ZNF385D: variants seen among roughly 807,000 people sequenced by gnomAD.
The protein encoded by ZNF385D is zinc finger protein 385D.
In ZNF385D, 15 loss-of-function variants were observed where a neutral mutation model predicts 35.8. That is an observed-to-expected ratio of 0.42 (90% CI 0.28 to 0.64). ZNF385D has a LOEUF of 0.64. Ranked by LOEUF, ZNF385D falls within the 30% of genes least tolerant of loss-of-function variation. The probability of loss-of-function intolerance (pLI) is 0.23; values close to 1 mark genes in which losing one functional copy is unlikely to be tolerated. For synonymous variants in ZNF385D, 212 were observed against 186.8 expected (o/e 1.13, Z -1.10); for missense variants, 474 against 494.6 (o/e 0.96, Z 0.39).
intron 4 of ZNF385D, among the ~76,000 whole-genome samples, chr3:21,471,293 TCTCACACA>T (rs758338057): frequency 0.1 from 3,042 of 29,906 alleles, 70 homozygotes; most frequent in African/African-American, 0.17. Flanking sequence ...TCTCTCTCTC[TCTCACACA>T]CACACACACA....
chr3:21,610,706 C>T (rs1190026630), intron 2 of ZNF385D, among the ~76,000 whole-genome samples: 1 of 151,054 alleles, frequency 6.6e-6, no homozygotes, highest in South Asian at 2.1e-4. Flanking sequence ...ACCCAGGAGG[C>T]GGGGCTTGCA....
chr3:22,353,713 A>G (rs1696020587), intron 2 of ZNF385D, among the ~76,000 whole-genome samples: 2 of 152,154 alleles, frequency 1.3e-5, no homozygotes, highest in South Asian at 4.1e-4. Flanking sequence ...CAGTCCTTCT[A>G]CAGTCCTGTT....
chr3:21,813,112 A>G (rs1042854235), intron 3 of ZNF385D, among the ~76,000 whole-genome samples: 18 of 152,226 alleles, frequency 1.2e-4, no homozygotes, highest in Non-Finnish European at 2.4e-4. Context: ...GCATACTCCA[A>G]CAGACCTGCA....
intron 2 of ZNF385D, among the ~76,000 whole-genome samples, chr3:22,194,078 T>C (rs577525194): frequency 1.3e-5 from 2 of 152,090 alleles, no homozygotes; most frequent in African/African-American, 4.8e-5. Flanking sequence ...ATGCAACTTA[T>C]ACTACCGAAC....
At chr3:21,742,162 T>C (rs2069546335) in intron 1 of ZNF385D, among the ~76,000 whole-genome samples, 1 of 152,230 alleles carries the variant, frequency 6.6e-6, no homozygotes, top group African/African-American at 2.4e-5. Flanking sequence ...TGTATTCAAA[T>C]TTCATTACAC....
intron 3 of ZNF385D, among the ~76,000 whole-genome samples, chr3:21,803,643 C>A (rs999799406): frequency 3.3e-5 from 5 of 151,852 alleles, no homozygotes; most frequent in Non-Finnish European, 7.4e-5. Flanking sequence ...ATATATCATC[C>A]CTGTCATAAT....
chr3:21,465,410 G>A lies in ZNF385D; in HGVS notation c.440-28207C>T, dbSNP rs187972319. 3.3e-5 allele frequency among the ~76,000 whole-genome samples: 5 copies of A among 152,258 alleles called. No individual in the cohort carries two copies. Among genetic ancestry groups the A allele is most frequent in the Admixed American group, 2.6e-4 (4 of 15,290 alleles). Reference sequence around the variant, plus strand: ...TACTTTCTCTTTTCAAGATCAGTTGGAAGAGAAAGTTTCTTCTGCTCTTCC... The same window carrying A: ...TACTTTCTCTTTTCAAGATCAGTTGAAAGAGAAAGTTTCTTCTGCTCTTCC... On this transcript the variant is annotated intron_variant, in intron 4 of 7. Coordinates refer to ENST00000281523, the MANE Select transcript of ZNF385D (RefSeq NM_024697.3). The surrounding 1 kb of genome is among the most constrained non-coding windows in gnomAD (Gnocchi z 4.2).
At chr3:21,843,224 G>A (rs990394537) in intron 3 of ZNF385D, among the ~76,000 whole-genome samples, 2 of 151,920 alleles carry the variant, frequency 1.3e-5, no homozygotes, top group Non-Finnish European at 2.9e-5. Context: ...TGAACTTTTG[G>A]GTTGGGGAAA....
intron 4 of ZNF385D, among the ~76,000 whole-genome samples, chr3:21,473,667 T>C (rs989356685): frequency 6.6e-6 from 1 of 152,110 alleles, no homozygotes; most frequent in Non-Finnish European, 1.5e-5. Context: ...CTGAGTGACA[T>C]ATTTATCTTC....
intron 2 of ZNF385D, among the ~76,000 whole-genome samples, chr3:21,648,224 C>T (rs948387277): frequency 6.6e-6 from 1 of 152,146 alleles, no homozygotes; most frequent in African/African-American, 2.4e-5. Flanking sequence ...AGTGAGTTCT[C>T]ATGAGATCTG....
At chr3:22,227,196 G>T (rs1358077794) in intron 2 of ZNF385D, among the ~76,000 whole-genome samples, 2 of 151,970 alleles carry the variant, frequency 1.3e-5, no homozygotes, top group Non-Finnish European at 2.9e-5. Flanking sequence ...CGGGGGGGGT[G>T]TAGGTGCTTG....
intron 2 of ZNF385D, among the ~76,000 whole-genome samples, chr3:22,183,828 T>C (rs755666976): frequency 8.2e-4 from 125 of 152,056 alleles, no homozygotes; most frequent in Non-Finnish European, 1.6e-3. Flanking sequence ...ACCTTTTCTG[T>C]AGCTTTAGTT....
intron 3 of ZNF385D, among the ~76,000 whole-genome samples, chr3:21,954,395 T>A (rs964647178): frequency 2.6e-5 from 4 of 152,028 alleles, no homozygotes; most frequent in African/African-American, 9.7e-5. Context: ...TGACACATTC[T>A]CATGATGGGA....
chr3:22,109,924 T>A (rs1206130877), intron 3 of ZNF385D, among the ~76,000 whole-genome samples: 1 of 151,962 alleles, frequency 6.6e-6, no homozygotes, highest in Admixed American at 6.6e-5. Context: ...GAATCTACAA[T>A]GAACTCAAAC....
chr3:22,184,556 T>TG (rs1695499185), intron 2 of ZNF385D, among the ~76,000 whole-genome samples: 2 of 152,084 alleles, frequency 1.3e-5, no homozygotes, highest in African/African-American at 4.8e-5. Context: ...CCAGGTACAG[T>TG]GGCTCATGCC....
At chr3:22,180,324 A>G (rs1001554329) in intron 2 of ZNF385D, among the ~76,000 whole-genome samples, 15 of 152,242 alleles carry the variant, frequency 9.9e-5, no homozygotes, top group Non-Finnish European at 1.8e-4. Flanking sequence ...GTACAGGACA[A>G]GACGGATTCA....
intron 3 of ZNF385D, among the ~76,000 whole-genome samples, chr3:22,140,777 A>G (rs932396930): frequency 7.9e-5 from 12 of 152,172 alleles, no homozygotes; most frequent in African/African-American, 2.9e-4. Context: ...AATCAATATA[A>G]ATTCTCAAGG....
intron 3 of ZNF385D, among the ~76,000 whole-genome samples, chr3:21,883,630 T>C (rs259557): frequency 0.56 from 84,660 of 151,886 alleles, 23,660 homozygotes; most frequent in South Asian, 0.71. Context: ...AGAAATTTGC[T>C]GGAAATGATG....
At chr3:22,215,744 C>CCCCCT in intron 2 of ZNF385D, among the ~76,000 whole-genome samples, 2 of 151,952 alleles carry the variant, frequency 1.3e-5, no homozygotes, top group Non-Finnish European at 2.9e-5. Flanking sequence ...CTGTGACCCA[C>CCCCCT]ACCCTATTTG....
Sources: gnomAD v4.1 joint callset for allele counts (sites outside exome capture counted in the v4.1 genomes callset) on GRCh38, gnomAD v4.1.1 for gene constraint, Gnocchi (gnomAD v3.1) non-coding constraint, MANE v1.5 for transcripts, NCBI Gene and HGNC (gene_info 2026-07-23, HGNC 2026-07-21) for gene names.